TTC28: variants seen among roughly 807,000 people sequenced by gnomAD.
TTC28 encodes tetratricopeptide repeat protein 28.
Under a neutral mutation model 198.0 loss-of-function variants are expected in TTC28, and 61 were observed. That is an observed-to-expected ratio of 0.31 (90% confidence interval 0.25 to 0.38). The LOEUF (loss-of-function observed/expected upper bound fraction) is 0.38, where lower values mean the gene tolerates loss of function less well. Ranked by LOEUF, TTC28 falls within the 10% of genes least tolerant of loss-of-function variation. The pLI, the probability that TTC28 is intolerant of heterozygous loss-of-function variation, is 1.00. For synonymous variants in TTC28, 1,171 were observed against 1,297.8 expected (o/e 0.90, Z 2.10); for missense variants, 2,678 against 3,164.0 (o/e 0.85, Z 3.69).
At chr22:28,484,117 TTTTTG>T (rs998995316) in intron 2 of TTC28, among the ~76,000 whole-genome samples, 2 of 151,966 alleles carry the variant, frequency 1.3e-5, no homozygotes, top group Non-Finnish European at 2.9e-5. Context: ...GTTTATTTTG[TTTTTG>T]TTTTGTTTTG....
At chr22:28,566,358 G>A (rs2049969833) in intron 2 of TTC28, among the ~76,000 whole-genome samples, 2 of 152,070 alleles carry the variant, frequency 1.3e-5, no homozygotes, top group African/African-American at 4.8e-5. Flanking sequence ...GGAAAGGGAG[G>A]ATACCCGAAA....
At chr22:28,192,338 A>G (rs886806641) in intron 5 of TTC28, among the ~76,000 whole-genome samples, 2 of 151,996 alleles carry the variant, frequency 1.3e-5, no homozygotes, top group Non-Finnish European at 1.5e-5. Context: ...AAAGATGGGG[A>G]AAAAAAAGAG....
chr22:28,169,847 A>G (rs976658035), intron 5 of TTC28, among the ~76,000 whole-genome samples: 1 of 151,894 alleles, frequency 6.6e-6, no homozygotes, highest in Non-Finnish European at 1.5e-5. Flanking sequence ...AAAATAAAAT[A>G]AAGAACCTGA....
intron 13 of TTC28, among the ~76,000 whole-genome samples, chr22:28,021,375 G>A (rs1175367991): frequency 6.6e-6 from 1 of 152,206 alleles, no homozygotes; most frequent in East Asian, 1.9e-4. Flanking sequence ...CCAGCGCTGT[G>A]AGACTGCCTG....
chr22:28,407,477 C>T (rs1178216754), intron 2 of TTC28, among the ~76,000 whole-genome samples: 1 of 127,974 alleles, frequency 7.8e-6, no homozygotes, highest in African/African-American at 2.5e-5. Flanking sequence ...CGTGCGCACA[C>T]ACACACACAC....
rs375416523 is a variant in TTC28, at chr22:27,999,015, G to A, written c.4644C>T (p.His1548=). 1.3e-5 allele frequency: 20 copies of A among 1,550,404 alleles called. No individual in the cohort carries two copies. The highest frequency in any genetic ancestry group is 1.6e-5 in the Non-Finnish European group (18 of 1,147,000). ...TQAECVHFAT[H]ISWKLSALVL... ...CCAAGGCCGACAGCTTCCAGGAGAT[G>A]TGGGTGGCAAAGTGGACGCATTCAG... The change falls in exon 16 of 23, where the codon CAC becomes CAT. Residue 1548 remains histidine (H), a synonymous_variant. Transcript: ENST00000397906.
chr22:28,035,098 C>T (rs1033797705), intron 12 of TTC28, among the ~76,000 whole-genome samples: 2 of 152,188 alleles, frequency 1.3e-5, no homozygotes, highest in African/African-American at 4.8e-5. Context: ...CCCTGCCATT[C>T]CCCTGACAGT....
intron 12 of TTC28, among the ~76,000 whole-genome samples, chr22:28,061,258 T>C (rs1487264318): frequency 6.6e-6 from 1 of 152,210 alleles, no homozygotes; most frequent in Non-Finnish European, 1.5e-5. Context: ...TTTGTTGCCA[T>C]TGCTTTTGGT....
At chr22:28,476,673 C>A (rs1233115918) in intron 2 of TTC28, among the ~76,000 whole-genome samples, 1 of 152,114 alleles carries the variant, frequency 6.6e-6, no homozygotes, top group Non-Finnish European at 1.5e-5. Context: ...ATTTGCATTT[C>A]CTTGACTAGT....
At chr22:28,242,182 T>C (rs895000626) in intron 5 of TTC28, among the ~76,000 whole-genome samples, 1 of 152,202 alleles carries the variant, frequency 6.6e-6, no homozygotes, top group African/African-American at 2.4e-5. Flanking sequence ...ACCAATTACC[T>C]GTGACTAGTG....
intron 5 of TTC28, among the ~76,000 whole-genome samples, chr22:28,261,252 A>G (rs1054339599): frequency 6.6e-6 from 1 of 152,192 alleles, no homozygotes; most frequent in Non-Finnish European, 1.5e-5. Flanking sequence ...CTGTCATCAT[A>G]GAACATTCTA....
intron 2 of TTC28, among the ~76,000 whole-genome samples, chr22:28,318,158 C>T (rs1467287534): frequency 5.9e-5 from 9 of 151,694 alleles, no homozygotes; most frequent in Non-Finnish European, 8.8e-5. Flanking sequence ...GATCCTCCTG[C>T]CTCGGCCTCC....
intron 2 of TTC28, among the ~76,000 whole-genome samples, chr22:28,445,061 T>G (rs16986438): frequency 0.036 from 5,455 of 152,308 alleles, 153 homozygotes; most frequent in African/African-American, 0.069. Flanking sequence ...CCTTTCTCTA[T>G]CTACAACACC....
At chr22:28,256,373 A>G (rs953191737) in intron 5 of TTC28, among the ~76,000 whole-genome samples, 15 of 151,020 alleles carry the variant, frequency 9.9e-5, no homozygotes, top group Admixed American at 6.6e-4. Flanking sequence ...GTGAGCCAAG[A>G]TCATGCCATT....
intron 2 of TTC28, among the ~76,000 whole-genome samples, chr22:28,449,025 C>G (rs1365722839): frequency 6.6e-6 from 1 of 152,164 alleles, no homozygotes; most frequent in Non-Finnish European, 1.5e-5. Flanking sequence ...AGGTACACAA[C>G]TAATAAAAAT....
At chr22:28,162,597 G>A (rs1370800006) in intron 6 of TTC28, among the ~76,000 whole-genome samples, 2 of 152,138 alleles carry the variant, frequency 1.3e-5, no homozygotes, top group African/African-American at 4.8e-5. Context: ...AATCCTTACA[G>A]CACCACGATG....
chr22:28,340,024 T>C (rs1408946604), intron 2 of TTC28, among the ~76,000 whole-genome samples: 3 of 152,166 alleles, frequency 2.0e-5, no homozygotes, highest in Non-Finnish European at 2.9e-5. Context: ...TATTCGGCCA[T>C]GTTGGCTCCC....
intron 2 of TTC28, among the ~76,000 whole-genome samples, chr22:28,542,568 A>G (rs1371440918): frequency 1.3e-5 from 2 of 152,116 alleles, no homozygotes; most frequent in Non-Finnish European, 2.9e-5. Flanking sequence ...TATGTTATGT[A>G]TATTTTAACA....
intron 5 of TTC28, among the ~76,000 whole-genome samples, chr22:28,202,313 G>T (rs1360843533): frequency 1.3e-5 from 2 of 152,080 alleles, no homozygotes; most frequent in Non-Finnish European, 2.9e-5. Flanking sequence ...AAGGCAGGAG[G>T]ATTACTTGAG....
Sources: allele counts gnomAD v4.1 joint callset (sites outside exome capture counted in the v4.1 genomes callset), GRCh38; gene constraint gnomAD v4.1.1; transcripts MANE v1.5; gene names NCBI Gene and HGNC (gene_info 2026-07-23, HGNC 2026-07-21).